The following NOL4 variants were observed in gnomAD, a reference collection of about 807,000 sequenced individuals.
NOL4 encodes nucleolar protein 4, also known as cancer/testis antigen 125.
NOL4 carries 17 observed loss-of-function variants against 75.9 expected under a neutral mutation model. That is an observed-to-expected ratio of 0.22 (90% CI 0.15 to 0.34). The LOEUF (loss-of-function observed/expected upper bound fraction) is 0.34, where lower values mean the gene tolerates loss of function less well. NOL4 is among the 10% of genes least tolerant of loss of function. The pLI, the probability that NOL4 is intolerant of heterozygous loss-of-function variation, is 1.00. For missense variants in NOL4, 614 were observed against 793.5 expected (o/e 0.77, Z 2.72); for synonymous variants, 292 against 289.9 (o/e 1.01, Z -0.07).
At chr18:34,134,483 C>CAT (rs71159857) in intron 1 of NOL4, among the ~76,000 whole-genome samples, 27,907 of 147,564 alleles carry the variant, frequency 0.19, 3,417 homozygotes, top group East Asian at 0.33. Context: ...CACACACACA[C>CAT]ACACACACAC....
At chr18:34,024,521 C>A (rs945005392) in intron 5 of NOL4, among the ~76,000 whole-genome samples, 5 of 151,842 alleles carry the variant, frequency 3.3e-5, no homozygotes, top group African/African-American at 1.2e-4. Flanking sequence ...TCTCCTTTAC[C>A]CCTTGTGGTC....
At chr18:33,859,675 T>C (rs998135082) in intron 10 of NOL4, among the ~76,000 whole-genome samples, 6 of 152,170 alleles carry the variant, frequency 3.9e-5, no homozygotes, top group East Asian at 1.9e-4. Flanking sequence ...TCCTAGCACT[T>C]TGGGAGGCCG....
chr18:34,062,825 C>A (rs1232469036), intron 5 of NOL4, among the ~76,000 whole-genome samples: 1 of 152,044 alleles, frequency 6.6e-6, no homozygotes, highest in Non-Finnish European at 1.5e-5. Context: ...ATATAAGAAA[C>A]TATCTATATC....
intron 8 of NOL4, among the ~76,000 whole-genome samples, chr18:33,945,961 A>G (rs1386372508): frequency 2.0e-5 from 3 of 151,660 alleles, no homozygotes; most frequent in African/African-American, 4.8e-5. Context: ...CCAATTTTCA[A>G]CTCTCACTTT....
At chr18:33,997,818 TAGC>T (rs2073405055) in intron 6 of NOL4, among the ~76,000 whole-genome samples, 1 of 151,338 alleles carries the variant, frequency 6.6e-6, no homozygotes, top group Non-Finnish European at 1.5e-5. Context: ...ATGAATTTCA[TAGC>T]AGCATTATTC....
chr18:34,112,102 C>T (rs2079617089), intron 2 of NOL4, among the ~76,000 whole-genome samples: 1 of 151,924 alleles, frequency 6.6e-6, no homozygotes, highest in Non-Finnish European at 1.5e-5. Context: ...GGTACGGTGG[C>T]CCACACCTGC....
intron 6 of NOL4, among the ~76,000 whole-genome samples, chr18:33,979,603 T>C (rs2145964421): frequency 6.6e-6 from 1 of 150,652 alleles, no homozygotes; most frequent in African/African-American, 2.4e-5. Context: ...AACTTAGAAT[T>C]TTTTTTTTGT....
chr18:34,141,485 G>T (rs1156606513), intron 1 of NOL4, among the ~76,000 whole-genome samples: 1 of 152,064 alleles, frequency 6.6e-6, no homozygotes. Flanking sequence ...CCAAAACAGA[G>T]ATATAGACCA....
Position 33,880,305 on chromosome 18 carries a change from CTGTGTGTGTGTGTG to C in NOL4, c.1723+2925_1723+2938del, listed in dbSNP as rs61306180. ...GGTGTTTTTGTCATGCAAAAGGGGTCTGTGTGTGTGTGTGTGTGTGTGTGTGTGTGTGTGTAATG... is the reference window on the plus strand; with the variant it reads ...GGTGTTTTTGTCATGCAAAAGGGGTCTGTGTGTGTGTGTGTGTGTGTAATG... On this transcript the variant is annotated intron_variant, in intron 10 of 10. Coordinates refer to ENST00000261592, the MANE Select transcript of NOL4 (RefSeq NM_003787.5). 3.5e-5 allele frequency among the ~76,000 whole-genome samples: 5 copies of C among 144,394 alleles called. No individual in the cohort carries two copies. In the Admixed American group the frequency reaches 3.5e-4, roughly 10 times the overall value. 94.7% of individuals were successfully genotyped at this position (144,394 alleles called of 152,430 possible).
chr18:34,044,068 C>T (rs1164857239), intron 5 of NOL4, among the ~76,000 whole-genome samples: 1 of 152,174 alleles, frequency 6.6e-6, no homozygotes, highest in South Asian at 2.1e-4. Context: ...ACTTCATAGT[C>T]ACGTTTATGT....
chr18:33,919,080 G>C (rs2066887640), intron 9 of NOL4, among the ~76,000 whole-genome samples: 1 of 151,706 alleles, frequency 6.6e-6, no homozygotes, highest in Admixed American at 6.6e-5. Flanking sequence ...GTGTTTTTTA[G>C]GACTTGTTGA....
chr18:34,193,732 G>C (rs751779996), intron 1 of NOL4, among the ~76,000 whole-genome samples: 8 of 152,078 alleles, frequency 5.3e-5, no homozygotes, highest in African/African-American at 1.7e-4. Flanking sequence ...CTACTACTGG[G>C]TATATATTCC....
intron 1 of NOL4, among the ~76,000 whole-genome samples, chr18:34,212,390 A>T (rs1242961137): frequency 6.6e-6 from 1 of 152,204 alleles, no homozygotes; most frequent in Non-Finnish European, 1.5e-5. Flanking sequence ...TGTATCCTAA[A>T]CCACAAATAA....
intron 1 of NOL4, among the ~76,000 whole-genome samples, chr18:34,181,554 GA>G (rs749866842): frequency 1.1e-4 from 16 of 151,346 alleles, no homozygotes; most frequent in Non-Finnish European, 1.5e-4. Flanking sequence ...AGCAGCCAAA[GA>G]AAAAATAGAG....
chr18:33,860,474 T>C (rs2063060198), intron 10 of NOL4, among the ~76,000 whole-genome samples: 1 of 152,162 alleles, frequency 6.6e-6, no homozygotes, highest in Middle Eastern at 3.4e-3. Flanking sequence ...TTTGCACAAA[T>C]GTAATAGTTA....
At chr18:34,043,458 G>A (rs951146406) in intron 5 of NOL4, among the ~76,000 whole-genome samples, 6 of 151,764 alleles carry the variant, frequency 4.0e-5, no homozygotes, top group Non-Finnish European at 7.4e-5. Flanking sequence ...TTATACATAG[G>A]TACCCAAGAA....
intron 1 of NOL4, among the ~76,000 whole-genome samples, chr18:34,142,239 T>C (rs1273874689): frequency 2.0e-5 from 3 of 152,202 alleles, no homozygotes; most frequent in Non-Finnish European, 4.4e-5. Context: ...GGCGGGACTG[T>C]AAACTAGTTC....
At chr18:34,128,778 AT>A in intron 2 of NOL4, 1 of 555,842 alleles carries the variant, frequency 1.8e-6, no homozygotes, top group Non-Finnish European at 2.3e-6. Context: ...GACCCTGGAA[AT>A]ATAGCAAAAA....
intron 1 of NOL4, among the ~76,000 whole-genome samples, chr18:34,144,826 G>T (rs2081332741): frequency 6.6e-6 from 1 of 152,052 alleles, no homozygotes; most frequent in Admixed American, 6.6e-5. Context: ...ACGTTAAAAG[G>T]CTGACATGCA....
Sources: gnomAD v4.1 joint callset for allele counts (sites outside exome capture counted in the v4.1 genomes callset) on GRCh38, gnomAD v4.1.1 for gene constraint, MANE v1.5 for transcripts, NCBI Gene and HGNC (gene_info 2026-07-23, HGNC 2026-07-21) for gene names.